Variants in XPNPEP3 observed in about 807,000 individuals in gnomAD.
XPNPEP3 encodes X-prolyl aminopeptidase 3.
Under a neutral mutation model 60.0 loss-of-function variants are expected in XPNPEP3, and 41 were observed. The ratio of observed to expected loss-of-function variants is 0.68; its 90% CI spans 0.53 to 0.89. The LOEUF (loss-of-function observed/expected upper bound fraction) is 0.89, where lower values mean the gene tolerates loss of function less well. Ranked by LOEUF, XPNPEP3 falls within the 40% of genes least tolerant of loss-of-function variation. The pLI is 0.00. For synonymous variants in XPNPEP3, 212 were observed against 223.2 expected (o/e 0.95, Z 0.45); for missense variants, 598 against 638.9 (o/e 0.94, Z 0.69).
At chr22:40,868,899 A>G (rs1208574577) in intron 1 of XPNPEP3, 100 bp from the exon 2 acceptor site, 3 of 956,494 alleles carry the variant, frequency 3.1e-6, no homozygotes, top group African/African-American at 1.6e-5. Context: ...ATTAGTTTGC[A>G]TTTTTCTAAA....
chr22:40,881,256 C>T (rs1279181936), intron 2 of XPNPEP3, among the ~76,000 whole-genome samples: 2 of 151,828 alleles, frequency 1.3e-5, no homozygotes, highest in African/African-American at 4.8e-5. Flanking sequence ...ACCATGTTGG[C>T]CGGGCTGGTC....
Position 40,909,144 on chromosome 22 carries a change from G to T in XPNPEP3, c.878G>T (p.Arg293Leu), listed in dbSNP as rs756539386. 6.2e-7 allele frequency: 1 copy of T among 1,614,170 alleles called. No homozygotes were observed. Among genetic ancestry groups the T allele is most frequent in the South Asian group, 1.1e-5 (1 of 91,086 alleles). The stretch of plus-strand genomic sequence containing the variant: ...CAGTTTGAATTTGAATGCCGGGCTC[G>T]TGGCGCAGACATTTTAGCCTATCCA... ...YAKFEFECRARGADILAYPPV... is the reference protein window; with the variant it reads ...YAKFEFECRALGADILAYPPV... Residue 293 changes from arginine to leucine, a missense_variant, in exon 6 of 10, where the codon CGT becomes CTT. Arg to Leu is a moderately radical substitution (Grantham distance 102). Transcript: ENST00000357137.
chr22:40,885,635 A>G (rs1259664937), intron 3 of XPNPEP3, among the ~76,000 whole-genome samples: 1 of 152,206 alleles, frequency 6.6e-6, no homozygotes, highest in Non-Finnish European at 1.5e-5. Context: ...GTGTGCAATT[A>G]TTCAACAAGT....
intron 4 of XPNPEP3, 33 bp downstream of exon 4, chr22:40,886,548 G>T (rs756176423): frequency 1.2e-5 from 20 of 1,603,838 alleles, no homozygotes; most frequent in Non-Finnish European, 1.6e-5. Flanking sequence ...TTTTCCAGCC[G>T]GGCGCGGTGG....
intron 1 of XPNPEP3, chr22:40,860,887 C>T: frequency 1.5e-6 from 1 of 678,270 alleles, no homozygotes; most frequent in Non-Finnish European, 2.4e-6. Context: ...CACCAACTGT[C>T]ACCACAAACT....
At chr22:40,889,196 T>C (rs577707915) in intron 4 of XPNPEP3, among the ~76,000 whole-genome samples, 2 of 146,826 alleles carry the variant, frequency 1.4e-5, no homozygotes, top group African/African-American at 5.5e-5. Flanking sequence ...ATGGCTGTTT[T>C]TAGGTTTTTG....
In XPNPEP3 at chr22:40,869,127, T is replaced by C; in HGVS notation, c.181+12T>C. 6.2e-7 allele frequency: 1 copy of C among 1,601,188 alleles called. No homozygotes were observed. The highest frequency in any genetic ancestry group is 8.6e-7 in the Non-Finnish European group (1 of 1,168,340). On this transcript the variant is annotated intron_variant, in intron 2 of 9. Coordinates refer to ENST00000357137, the MANE Select transcript of XPNPEP3 (RefSeq NM_022098.4). ...CCTCCTCAGACCAGGTAAGGCCTTT[T>C]AACTGTGCTATCTCCCCATTTAGGT...
chr22:40,884,494 G>A lies in XPNPEP3; in HGVS notation c.590-1819G>A, dbSNP rs542666285. Among the ~76,000 whole-genome samples, 276 of 150,936 alleles carry A rather than the reference G, an allele frequency of 1.8e-3. 1 individual carries two copies. Among genetic ancestry groups the A allele is most frequent in the African/African-American group, 6.0e-3 (247 of 41,056 alleles). On this transcript the variant is annotated intron_variant, in intron 3 of 9. Transcript: ENST00000357137. ...ACAGGCACGCGCCACCATGCCCGGG[G>A]AATTTTTCTGTTTTTTTTTAGTAGA...
At chr22:40,914,854 AAAT>A (rs1330221956) in intron 7 of XPNPEP3, among the ~76,000 whole-genome samples, 1 of 152,066 alleles carries the variant, frequency 6.6e-6, no homozygotes, top group African/African-American at 2.4e-5. Context: ...AAAATATTAA[AAAT>A]AACTATTTAA....
At position 40,926,291 on chromosome 22, in the gene XPNPEP3, C is replaced by T. The variant is rs1165348039; in HGVS notation, c.1380C>T (p.Asp460=). 1 of 1,614,112 alleles carries T rather than the reference C, an allele frequency of 6.2e-7. No homozygotes were observed. Among genetic ancestry groups the T allele is most frequent in the Non-Finnish European group, 8.5e-7 (1 of 1,180,018 alleles). Reference sequence around the variant, plus strand: ...CAGGCATTTATATTCCAGAGGATGACAAAGATGCCCCAGAGAAGTTTCGGG... The same window carrying T: ...CAGGCATTTATATTCCAGAGGATGATAAAGATGCCCCAGAGAAGTTTCGGG... ...IEPGIYIPED[D]KDAPEKFRGL... is the part of the protein sequence containing the mutation. Residue 460 remains aspartate (D), a synonymous_variant, in exon 10 of 10, where the codon GAC becomes GAT. Coordinates refer to ENST00000357137, the MANE Select transcript of XPNPEP3 (RefSeq NM_022098.4).
chr22:40,914,336 A>G lies in XPNPEP3; in HGVS notation c.1055+12A>G. On this transcript the variant is annotated intron_variant, in intron 7 of 9. Transcript: ENST00000357137. ...CCAGTCAATGGCAGGTAGGGCTTCT[A>G]CAGAGTAACGTATCCCACTGCTTCT... The G allele has an allele frequency of 6.2e-7, 1 of 1,610,430 alleles. No homozygotes were observed. Among genetic ancestry groups the G allele is most frequent in the East Asian group, 2.2e-5 (1 of 44,868 alleles).
intron 4 of XPNPEP3, among the ~76,000 whole-genome samples, chr22:40,892,143 G>C (rs947551626): frequency 4.0e-5 from 6 of 151,812 alleles, no homozygotes; most frequent in African/African-American, 1.5e-4. Context: ...CCTGAAATAG[G>C]ATGCCTTCAA....
At chr22:40,870,109 A>G (rs2057998002) in intron 2 of XPNPEP3, 1 of 470,710 alleles carries the variant, frequency 2.1e-6, no homozygotes, top group Admixed American at 2.4e-5. Flanking sequence ...ACTGAAACCC[A>G]CAAGAAATCA....
In XPNPEP3 at chr22:40,931,085, G is replaced by A. The variant is rs1320772256; in HGVS notation, c.*4650G>A. On this transcript the variant is annotated 3_prime_UTR_variant, in exon 10 of 10. Transcript: ENST00000357137. ...GATGGTCTTGATCTCCTGACCTCGT[G>A]ATCTGCCCACTTTGGCCTCCCAAAG... is the stretch of plus-strand genomic sequence containing the variant. The A allele has an allele frequency of 1.3e-5, 2 of 152,174 alleles. No homozygotes were observed. The highest frequency in any genetic ancestry group is 2.9e-5 in the Non-Finnish European group (2 of 68,116). 9.4% of individuals were successfully genotyped at this position (152,174 alleles called of 1,614,324 possible).
intron 2 of XPNPEP3, among the ~76,000 whole-genome samples, chr22:40,871,112 C>A (rs2058003541): frequency 6.6e-6 from 1 of 152,088 alleles, no homozygotes; most frequent in Non-Finnish European, 1.5e-5. Context: ...CCTATAATCC[C>A]AACACTTTGG....
At chr22:40,903,949 C>T (rs1211946235) in intron 4 of XPNPEP3, among the ~76,000 whole-genome samples, 1 of 151,814 alleles carries the variant, frequency 6.6e-6, no homozygotes, top group African/African-American at 2.4e-5. Flanking sequence ...CTTTTTCTCT[C>T]TACTCTCCCT....
intron 4 of XPNPEP3, among the ~76,000 whole-genome samples, chr22:40,898,701 T>G (rs531209037): frequency 6.6e-6 from 1 of 152,304 alleles, no homozygotes; most frequent in African/African-American, 2.4e-5. Flanking sequence ...GGATAAAAGA[T>G]CTTAAACTGC....
At chr22:40,867,800 A>C (rs577003057) in intron 1 of XPNPEP3, among the ~76,000 whole-genome samples, 1 of 152,296 alleles carries the variant, frequency 6.6e-6, no homozygotes, top group East Asian at 1.9e-4. Context: ...GAGATGGATA[A>C]GTGCATTTAT....
At chr22:40,905,163 A>G (rs1304725741) in intron 4 of XPNPEP3, among the ~76,000 whole-genome samples, 1 of 150,498 alleles carries the variant, frequency 6.6e-6, no homozygotes, top group Non-Finnish European at 1.5e-5. Flanking sequence ...CACTGCAACC[A>G]CTATCTCCCA....
Sources: allele counts gnomAD v4.1 joint callset (sites outside exome capture counted in the v4.1 genomes callset), GRCh38; gene constraint gnomAD v4.1.1; transcripts MANE v1.5; gene names NCBI Gene and HGNC (gene_info 2026-07-23, HGNC 2026-07-21).